The following ABCA13 variants were observed in gnomAD, a reference collection of about 807,000 sequenced individuals.
The protein encoded by ABCA13 is ATP binding cassette subfamily A member 13.
In ABCA13, 476 loss-of-function variants were observed where a neutral mutation model predicts 478.7. The observed-to-expected ratio is 0.99, with a 90% CI of 0.92 to 1.07. ABCA13 has a LOEUF of 1.07. Ranked by LOEUF, ABCA13 falls within the 50% of genes least tolerant of loss-of-function variation. The pLI, the probability that ABCA13 is intolerant of heterozygous loss-of-function variation, is 0.00. For missense variants in ABCA13, 6,060 were observed against 5,910.6 expected (o/e 1.03, Z -0.83); for synonymous variants, 2,252 against 2,158.9 (o/e 1.04, Z -1.20).
intron 48 of ABCA13, among the ~76,000 whole-genome samples, chr7:48,494,733 A>C (rs1374910557): frequency 6.6e-6 from 1 of 152,168 alleles, no homozygotes; most frequent in South Asian, 2.1e-4. Context: ...GAAAGAGAGG[A>C]TAAAAGATAA....
rs1435901710 is a variant in ABCA13, at chr7:48,271,793, A to C, written c.2127A>C (p.Leu709Phe). 17 of 1,484,310 alleles carry C rather than the reference A, an allele frequency of 1.1e-5. No individual in the cohort carries two copies. Among genetic ancestry groups the C allele is most frequent in the Non-Finnish European group, 1.5e-5 (17 of 1,116,672 alleles). The allele number at this position is 1,484,310 out of a possible 1,614,324, so 91.9% of individuals were successfully genotyped here. Residue 709 changes from leucine to phenylalanine, a missense_variant, in exon 17 of 62, where the codon TTA (leucine) becomes TTC (phenylalanine). By Grantham distance (22) the Leu-to-Phe change is conservative (BLOSUM62 0). Around this residue, in one of 3 missense-constraint regions of ABCA13, gnomAD observed 4,423 missense variants for 4,309.1 expected, o/e 1.03. Coordinates refer to ENST00000435803, the MANE Select transcript of ABCA13 (RefSeq NM_152701.5). The part of the protein sequence containing the change: ...KSPTASISRA[L>F]NFTKHLLMME... ...AATTCTATTAATATTACAGGGCTTT[A>C]AATTTCACAAAGCACCTTCTAATGA...
intron 15 of ABCA13, among the ~76,000 whole-genome samples, chr7:48,268,027 C>T (rs1014177091): frequency 1.3e-5 from 2 of 152,120 alleles, no homozygotes; most frequent in Non-Finnish European, 2.9e-5. Flanking sequence ...ACTCCTGAAG[C>T]AAGACCCCTT....
At chr7:48,371,346 C>A (rs1252141821) in intron 32 of ABCA13, among the ~76,000 whole-genome samples, 1 of 152,110 alleles carries the variant, frequency 6.6e-6, no homozygotes, top group Non-Finnish European at 1.5e-5. Flanking sequence ...ATGGGAATAG[C>A]ATTGAATCTA....
At chr7:48,255,010 T>A (rs1245559852) in intron 15 of ABCA13, among the ~76,000 whole-genome samples, 1 of 152,238 alleles carries the variant, frequency 6.6e-6, no homozygotes, top group Non-Finnish European at 1.5e-5. Context: ...AAATTCCCAG[T>A]GCCTCAGTAG....
intron 27 of ABCA13, among the ~76,000 whole-genome samples, chr7:48,329,846 C>A (rs977340636): frequency 6.6e-6 from 1 of 151,802 alleles, no homozygotes; most frequent in Admixed American, 6.6e-5. Flanking sequence ...TCTATCCATG[C>A]ATCCATCCAT....
rs1177628823 is a variant in ABCA13 at position 48,403,706 on chromosome 7, C to G, written c.11897C>G (p.Thr3966Ser). The G allele has an allele frequency of 6.2e-7, 1 of 1,613,788 alleles. No homozygotes were observed. Among genetic ancestry groups the G allele is most frequent in the South Asian group, 1.1e-5 (1 of 91,070 alleles). ...AGAACTCTTCAGGATGTGGACTTAA[C>G]TCAGCATCAGCACAAACAGACCCGA... The part of the protein sequence containing the change: ...VNQTLQDVDL[T>S]QHQHKQTRAL... Residue 3966 changes from threonine to serine, a missense_variant, in exon 39 of 62, where the codon ACT becomes AGT. By Grantham distance (58) the Thr-to-Ser change is moderately conservative. Coordinates refer to ENST00000435803, the MANE Select transcript of ABCA13 (RefSeq NM_152701.5).
chr7:48,412,659 T>G, intron 41 of ABCA13, 76 bp downstream of exon 41: 2 of 976,098 alleles, frequency 2.0e-6, no homozygotes, highest in Non-Finnish European at 2.8e-6. Context: ...GAGATGTGGG[T>G]AAAGGGGGGG....
At chr7:48,361,191 C>A (rs962331839) in intron 31 of ABCA13, among the ~76,000 whole-genome samples, 1 of 151,852 alleles carries the variant, frequency 6.6e-6, no homozygotes, top group Non-Finnish European at 1.5e-5. Flanking sequence ...AGAATCACAG[C>A]ACCTCTTTAA....
intron 24 of ABCA13, 68 bp downstream of exon 24, chr7:48,310,209 C>T: frequency 6.6e-7 from 1 of 1,518,544 alleles, no homozygotes; most frequent in Non-Finnish European, 8.9e-7. Flanking sequence ...CAGATAAGTA[C>T]AGTAGTCCTA....
chr7:48,314,964 A>T (rs1026284298), intron 26 of ABCA13, among the ~76,000 whole-genome samples: 1 of 152,194 alleles, frequency 6.6e-6, no homozygotes, highest in Non-Finnish European at 1.5e-5. Flanking sequence ...TTAATACATA[A>T]TTTTTTGGCC....
intron 38 of ABCA13, among the ~76,000 whole-genome samples, chr7:48,394,030 A>G (rs1293738742): frequency 2.0e-5 from 3 of 152,256 alleles, no homozygotes; most frequent in South Asian, 2.1e-4. Context: ...TCCCCAGATC[A>G]TGGTCTAGCT....
chr7:48,197,918 C>T (rs941324257), intron 2 of ABCA13, among the ~76,000 whole-genome samples: 5 of 152,044 alleles, frequency 3.3e-5, no homozygotes, highest in Admixed American at 6.6e-5. Context: ...TTACAGAGAG[C>T]GGTGTCTGGA....
chr7:48,231,277 C>G (rs577826551), intron 7 of ABCA13, among the ~76,000 whole-genome samples: 1 of 152,074 alleles, frequency 6.6e-6, no homozygotes, highest in East Asian at 1.9e-4. Flanking sequence ...AAAACAAAGA[C>G]CACAGAGTAA....
In ABCA13 at chr7:48,271,936, T is replaced by G. The variant is rs182994504; in HGVS notation, c.2270T>G (p.Phe757Cys). 2.5e-4 allele frequency: 410 copies of G among 1,613,692 alleles called. 2 individuals are homozygous for G. Among genetic ancestry groups the G allele is most frequent in the Admixed American group, 1.3e-3 (77 of 59,988 alleles). The change falls in exon 17 of 62, where the codon TTC (phenylalanine) becomes TGC (cysteine). Residue 757 changes from phenylalanine (F) to cysteine (C), a missense_variant. Coordinates refer to ENST00000435803, the MANE Select transcript of ABCA13 (RefSeq NM_152701.5). Reference protein sequence around the residue: ...NLFDSSIVPSFHSLPSLTEDI... With the variant: ...NLFDSSIVPSCHSLPSLTEDI... Reference sequence around the variant, plus strand: ...TTTGACTCCTCCATTGTTCCCAGTTTCCACAGCCTCCCATCTCTCACAGAG... The same window carrying G: ...TTTGACTCCTCCATTGTTCCCAGTTGCCACAGCCTCCCATCTCTCACAGAG...
At position 48,272,141 on chromosome 7, in the gene ABCA13, A is replaced by C; in HGVS notation, c.2475A>C (p.Leu825Phe). 2 of 1,613,324 alleles carry C rather than the reference A, an allele frequency of 1.2e-6. No individual in the cohort carries two copies. Among genetic ancestry groups the C allele is most frequent in the Non-Finnish European group, 8.5e-7 (1 of 1,179,534 alleles). ...AAAATCTTTTGAGATTCATAGAATT[A>C]ATACTTTTTGAAATTAATCCCAAAT... ...EPKNLLRFIE[L>F]ILFEINPKLL... is the part of the protein sequence containing the mutation. The change falls in exon 17 of 62, where the codon TTA (leucine) becomes TTC (phenylalanine). Residue 825 changes from leucine to phenylalanine, a missense_variant. By Grantham distance (22) the Leu-to-Phe change is conservative. This residue lies in a region of ABCA13 where 4,423 missense variants were observed against 4,309.1 expected (regional missense o/e 1.03). Coordinates refer to ENST00000435803, the MANE Select transcript of ABCA13 (RefSeq NM_152701.5).
At chr7:48,618,007 CT>C (rs1792759846) in intron 59 of ABCA13, among the ~76,000 whole-genome samples, 1 of 152,198 alleles carries the variant, frequency 6.6e-6, no homozygotes, top group South Asian at 2.1e-4. Flanking sequence ...ACCTCACTCT[CT>C]GCCCCAGGCA....
intron 52 of ABCA13, among the ~76,000 whole-genome samples, chr7:48,519,780 G>A (rs989167836): frequency 6.6e-6 from 1 of 152,070 alleles, no homozygotes; most frequent in African/African-American, 2.4e-5. Context: ...AGAGATCATT[G>A]TGATTTCCTT....
intron 1 of ABCA13, among the ~76,000 whole-genome samples, chr7:48,188,647 T>TC (rs1796677954): frequency 6.6e-6 from 1 of 151,902 alleles, no homozygotes; most frequent in South Asian, 2.1e-4. Context: ...TTCTTTTCTC[T>TC]CCCCCCACCC....
chr7:48,357,091 C>T (rs1810047356), intron 31 of ABCA13, among the ~76,000 whole-genome samples: 1 of 151,818 alleles, frequency 6.6e-6, no homozygotes, highest in Admixed American at 6.5e-5. Flanking sequence ...GGCGTTGCAT[C>T]TGGACTTTGA....
Sources: allele counts gnomAD v4.1 joint callset (sites outside exome capture counted in the v4.1 genomes callset), GRCh38; gene constraint gnomAD v4.1.1; regional missense constraint gnomAD v4.1.1; transcripts MANE v1.5; gene names NCBI Gene and HGNC (gene_info 2026-07-23, HGNC 2026-07-21).